PPP1R3A: variants seen among roughly 807,000 people sequenced by gnomAD.
PPP1R3A encodes protein phosphatase 1 regulatory subunit 3A, also known as RG1.
A neutral mutation model predicts 41.7 loss-of-function variants in PPP1R3A; 29 were observed. The ratio of observed to expected loss-of-function variants is 0.70; its 90% CI spans 0.52 to 0.95. PPP1R3A has a LOEUF of 0.95. Among genes scored for constraint, PPP1R3A ranks in the 40% least tolerant of loss-of-function variants. The probability of loss-of-function intolerance (pLI) is 0.00; values close to 1 mark genes in which losing one functional copy is unlikely to be tolerated. For synonymous variants in PPP1R3A, 485 were observed against 453.4 expected (o/e 1.07, Z -0.89); for missense variants, 1,352 against 1,292.4 (o/e 1.05, Z -0.71).
At chr7:113,918,171 A>T (rs749714975) in intron 1 of PPP1R3A, 44 bp downstream of exon 1, 2 of 1,509,046 alleles carry the variant, frequency 1.3e-6, no homozygotes, top group Non-Finnish European at 1.8e-6. Flanking sequence ...TGACATAAAA[A>T]CTTTAAGATT....
chr7:113,916,618 T>C (rs558841375), intron 1 of PPP1R3A, among the ~76,000 whole-genome samples: 15 of 152,164 alleles, frequency 9.9e-5, no homozygotes, highest in Admixed American at 7.9e-4. Flanking sequence ...TTTTAGACAA[T>C]AATGCTGCGC....
chr7:113,892,672 A>T (rs1410706070), intron 1 of PPP1R3A, among the ~76,000 whole-genome samples: 1 of 152,028 alleles, frequency 6.6e-6, no homozygotes, highest in East Asian at 1.9e-4. Context: ...AACAAATTTA[A>T]GGAACTATGC....
chr7:113,892,651 G>T (rs74433004), intron 1 of PPP1R3A, among the ~76,000 whole-genome samples: 1 of 152,088 alleles, frequency 6.6e-6, no homozygotes, highest in East Asian at 1.9e-4. Context: ...GAAGAGAAGC[G>T]CCTGAGGAAA....
Position 113,918,568 on chromosome 7 carries a change from C to T in PPP1R3A, c.429G>A (p.Lys143=). Residue 143 remains lysine (K), a synonymous_variant, in exon 1 of 4, where the codon AAG becomes AAA. Transcript: ENST00000284601. ...AAACATTCAAAACTCGAATAATACCCTTGATACTTGTAGACCCAAGAAGAG... is the reference window on the plus strand; with the variant it reads ...AAACATTCAAAACTCGAATAATACCTTTGATACTTGTAGACCCAAGAAGAG... ...TESLLGSTSI[K]GIIRVLNVSF... 6.2e-7 allele frequency: 1 copy of T among 1,613,066 alleles called. No individual in the cohort carries two copies. Among genetic ancestry groups the T allele is most frequent in the African/African-American group, 1.3e-5 (1 of 75,032 alleles).
At chr7:113,892,704 G>C (rs1056752991) in intron 1 of PPP1R3A, among the ~76,000 whole-genome samples, 8 of 151,996 alleles carry the variant, frequency 5.3e-5, no homozygotes, top group African/African-American at 1.7e-4. Context: ...AGGATGAAAA[G>C]ATGCATTAGG....
chr7:113,902,066 T>C (rs1797070604), intron 1 of PPP1R3A, among the ~76,000 whole-genome samples: 1 of 151,878 alleles, frequency 6.6e-6, no homozygotes, highest in Admixed American at 6.6e-5. Context: ...TTCTTCCTTA[T>C]CTTTTTCTTG....
At chr7:113,883,120 G>C (rs549210010) in intron 1 of PPP1R3A, among the ~76,000 whole-genome samples, 4 of 152,044 alleles carry the variant, frequency 2.6e-5, no homozygotes, top group South Asian at 4.2e-4. Context: ...ATTTAGATTT[G>C]TCCATGAAAC....
rs1166739306 is a variant in PPP1R3A, at chr7:113,918,453, C to A, written c.544G>T (p.Asp182Tyr). Reference sequence around the variant, plus strand: ...AAGGAGAACTGGTCAGTTTCACCATCACATGAATTAGGAACATATTCTGCT... The same window carrying A: ...AAGGAGAACTGGTCAGTTTCACCATAACATGAATTAGGAACATATTCTGCT... ...ILAEYVPNSC[D>Y]GETDQFSFKI... Residue 182 changes from aspartate to tyrosine, a missense_variant, in exon 1 of 4, where the codon GAT becomes TAT. Asp to Tyr is a radical substitution (Grantham distance 160). Transcript: ENST00000284601. 2 of 1,613,320 alleles carry A rather than the reference C, an allele frequency of 1.2e-6. No individual in the cohort carries two copies.
intron 1 of PPP1R3A, among the ~76,000 whole-genome samples, chr7:113,899,664 T>C (rs982662331): frequency 1.3e-5 from 2 of 151,830 alleles, no homozygotes; most frequent in African/African-American, 4.8e-5. Flanking sequence ...ATTCTCAACC[T>C]TTGTGCACAT....
At chr7:113,910,847 A>G (rs1262196537) in intron 1 of PPP1R3A, among the ~76,000 whole-genome samples, 1 of 152,164 alleles carries the variant, frequency 6.6e-6, no homozygotes, top group East Asian at 1.9e-4. Context: ...TGGGCTAAGA[A>G]ATGTTTTCAC....
intron 1 of PPP1R3A, among the ~76,000 whole-genome samples, chr7:113,893,949 T>G (rs552275274): frequency 6.6e-6 from 1 of 152,094 alleles, no homozygotes; most frequent in Admixed American, 6.6e-5. Flanking sequence ...TTTTTTTAAC[T>G]CTTCAGTTCC....
At position 113,918,591 on chromosome 7, in the gene PPP1R3A, G is replaced by A; in HGVS notation, c.406C>T (p.Leu136Phe). The A allele has an allele frequency of 6.2e-7, 1 of 1,613,598 alleles. No homozygotes were observed. The highest frequency in any genetic ancestry group is 8.5e-7 in the Non-Finnish European group (1 of 1,179,726). ...CCCTTGATACTTGTAGACCCAAGAA[G>A]AGACTCAGTTGACTCCAGTATTGCT... is the stretch of plus-strand genomic sequence containing the variant. ...QKAILESTESLLGSTSIKGII... is the reference protein window; with the variant it reads ...QKAILESTESFLGSTSIKGII... The change falls in exon 1 of 4, where the codon CTT becomes TTT. Residue 136 changes from leucine (L) to phenylalanine (F), a missense_variant. Physicochemically the swap from Leu to Phe is conservative, Grantham distance 22. Coordinates refer to ENST00000284601, the MANE Select transcript of PPP1R3A (RefSeq NM_002711.4).
intron 1 of PPP1R3A, among the ~76,000 whole-genome samples, chr7:113,895,607 T>C (rs1302462553): frequency 1.3e-5 from 2 of 151,998 alleles, no homozygotes; most frequent in African/African-American, 2.4e-5. Flanking sequence ...GCCTCTATGA[T>C]ATGAAATCTG....
At chr7:113,901,356 C>T (rs901021135) in intron 1 of PPP1R3A, among the ~76,000 whole-genome samples, 5 of 151,706 alleles carry the variant, frequency 3.3e-5, no homozygotes, top group African/African-American at 7.3e-5. Flanking sequence ...AGCTGGCCCA[C>T]GACAGTGTAC....
intron 1 of PPP1R3A, among the ~76,000 whole-genome samples, chr7:113,893,206 A>G (rs1796921900): frequency 6.6e-6 from 1 of 152,020 alleles, no homozygotes; most frequent in African/African-American, 2.4e-5. Flanking sequence ...TAAGAGCTCT[A>G]CATCTGTATA....
chr7:113,883,112 T>G (rs1796722425), intron 1 of PPP1R3A, among the ~76,000 whole-genome samples: 1 of 152,024 alleles, frequency 6.6e-6, no homozygotes, highest in African/African-American at 2.4e-5. Flanking sequence ...TCATTAGAAT[T>G]TAGATTTGTC....
At chr7:113,887,905 C>A (rs1230734719) in intron 1 of PPP1R3A, among the ~76,000 whole-genome samples, 1 of 152,056 alleles carries the variant, frequency 6.6e-6, no homozygotes, top group Non-Finnish European at 1.5e-5. Context: ...GTGGCAGGCA[C>A]CTGTAATCCC....
At chr7:113,905,158 T>C (rs543717854) in intron 1 of PPP1R3A, among the ~76,000 whole-genome samples, 2 of 151,764 alleles carry the variant, frequency 1.3e-5, no homozygotes, top group South Asian at 4.1e-4. Context: ...TTAATTGATG[T>C]ATAATAGATG....
intron 1 of PPP1R3A, 33 bp downstream of exon 1, chr7:113,918,182 G>A: frequency 6.5e-7 from 1 of 1,540,706 alleles, no homozygotes; most frequent in South Asian, 1.2e-5. Context: ...CTTTAAGATT[G>A]TGAATAATAA....
Sources: gnomAD v4.1 joint callset for allele counts (sites outside exome capture counted in the v4.1 genomes callset) on GRCh38, gnomAD v4.1.1 for gene constraint, MANE v1.5 for transcripts, NCBI Gene and HGNC (gene_info 2026-07-23, HGNC 2026-07-21) for gene names.